The following HYDIN variants were observed in gnomAD, a reference collection of about 807,000 sequenced individuals.
HYDIN encodes the protein axonemal central pair apparatus protein HYDIN.
Under a neutral mutation model 403.9 loss-of-function variants are expected in HYDIN, and 132 were observed. That is an observed-to-expected ratio of 0.33 (90% CI 0.28 to 0.38). The LOEUF (loss-of-function observed/expected upper bound fraction) is 0.38. Ranked by LOEUF, HYDIN falls within the 10% of genes least tolerant of loss-of-function variation. The pLI, the probability that HYDIN is intolerant of heterozygous loss-of-function variation, is 1.00. For missense variants in HYDIN, 2,827 were observed against 5,009.5 expected, an observed-to-expected ratio of 0.56 and a Z score of 13.15; for synonymous variants, 1,202 against 1,891.7, an observed-to-expected ratio of 0.64 and a Z score of 9.46.
rs745892145 is a variant in HYDIN, at chr16:70,818,540, G to A, written c.14460C>T (p.Phe4820=). ...VIFRNEVTNE[F]LYYNVSFRVI... is the part of the protein sequence containing the mutation. ...CCCTGAAACTCACATTGTAGTACAAGAACTCATTTGTCACCTCGTTTCGGA... is the reference window on the plus strand; with the variant it reads ...CCCTGAAACTCACATTGTAGTACAAAAACTCATTTGTCACCTCGTTTCGGA... The change falls in exon 84 of 86, where the codon TTC becomes TTT. Residue 4820 remains phenylalanine (F), a synonymous_variant. Coordinates refer to ENST00000393567, the MANE Select transcript of HYDIN (RefSeq NM_001270974.2). 3.2e-6 allele frequency: 4 copies of A among 1,257,708 alleles called. No individual in the cohort carries two copies. In the South Asian group the frequency reaches 5.1e-5, roughly 16 times the overall value. The allele number at this position is 1,257,708 out of a possible 1,614,324, so 77.9% of individuals were successfully genotyped here. A position where few individuals can be genotyped will look rare whatever the true frequency, so the allele number is the denominator to read the frequency against.
intron 52 of HYDIN, among the ~76,000 whole-genome samples, chr16:70,902,821 A>ATTTTTTTTTTTTTTTTTTT (rs60618592): frequency 4.2e-5 from 2 of 47,308 alleles, no homozygotes; most frequent in East Asian, 5.5e-4. Flanking sequence ...ATATATATAT[A>ATTTTTTTTTTTTTTTTTTT]TTTTTTTTTT....
rs528625962 is a variant in HYDIN at position 71,211,621 on chromosome 16, G to A, written c.-24+18941C>T. Among the ~76,000 whole-genome samples the A allele has an allele frequency of 1.4e-3, 187 of 130,658 alleles. 1 individual carries two copies. The highest frequency in any genetic ancestry group is 1.9e-3 in the Non-Finnish European group (117 of 62,758). 85.7% of individuals were successfully genotyped at this position (130,658 alleles called of 152,430 possible). A position where few individuals can be genotyped will look rare whatever the true frequency, so the allele number is the denominator to read the frequency against. On this transcript the variant is annotated intron_variant, in intron 1 of 85. Coordinates refer to ENST00000393567, the MANE Select transcript of HYDIN (RefSeq NM_001270974.2). Reference sequence around the variant, plus strand: ...TGCGCCACTGCACTCCAGCCTGGGCGACAGAGTGAGACTCCATCTCAAAAA... The same window carrying A: ...TGCGCCACTGCACTCCAGCCTGGGCAACAGAGTGAGACTCCATCTCAAAAA...
intron 1 of HYDIN, among the ~76,000 whole-genome samples, chr16:71,222,278 T>G (rs1015262248): frequency 1.3e-5 from 2 of 151,962 alleles, no homozygotes; most frequent in African/African-American, 4.8e-5. Flanking sequence ...TTTGAAAAAA[T>G]CCAGCACCCC....
At chr16:70,951,224 G>C (rs542280603) in intron 41 of HYDIN, among the ~76,000 whole-genome samples, 1 of 150,758 alleles carries the variant, frequency 6.6e-6, no homozygotes, top group East Asian at 2.0e-4. Flanking sequence ...GACACAGTGA[G>C]ACCCTGACTC....
intron 23 of HYDIN, among the ~76,000 whole-genome samples, chr16:71,011,068 C>A (rs1476977760): frequency 6.6e-6 from 1 of 152,126 alleles, no homozygotes; most frequent in Non-Finnish European, 1.5e-5. Flanking sequence ...GTCTAAGGAC[C>A]CTAGAGCTCC....
intron 5 of HYDIN, among the ~76,000 whole-genome samples, chr16:71,172,067 T>C (rs1192872733): frequency 6.6e-6 from 1 of 152,240 alleles, no homozygotes; most frequent in Admixed American, 6.5e-5. Context: ...TAAATTCAAA[T>C]TGCTGGCAAT....
At chr16:71,139,095 G>GAAAAAAAAAAAAAAAAAAAAAAA (rs71758936) in intron 7 of HYDIN, among the ~76,000 whole-genome samples, 1 of 103,814 alleles carries the variant, frequency 9.6e-6, no homozygotes, top group Non-Finnish European at 1.8e-5. Flanking sequence ...AAATAAAGAA[G>GAAAAAAAAAAAAAAAAAAAAAAA]AAAAAAAAAA....
intron 13 of HYDIN, among the ~76,000 whole-genome samples, chr16:71,074,198 T>C (rs1249592880): frequency 6.6e-6 from 1 of 151,786 alleles, no homozygotes; most frequent in Non-Finnish European, 1.5e-5. Flanking sequence ...CCCCACATAA[T>C]ATGTCCATCA....
intron 44 of HYDIN, among the ~76,000 whole-genome samples, chr16:70,938,251 CA>C (rs1401665221): frequency 6.6e-6 from 1 of 152,230 alleles, no homozygotes; most frequent in Non-Finnish European, 1.5e-5. Context: ...AGCACCGAGG[CA>C]GTGAGCACAG....
At chr16:71,094,405 GA>G (rs2083210004) in intron 10 of HYDIN, among the ~76,000 whole-genome samples, 1 of 152,166 alleles carries the variant, frequency 6.6e-6, no homozygotes, top group Non-Finnish European at 1.5e-5. Context: ...AGGAATAGGT[GA>G]AAAAGGGCAA....
intron 1 of HYDIN, among the ~76,000 whole-genome samples, chr16:71,219,680 A>G (rs1327373100): frequency 6.6e-6 from 1 of 152,238 alleles, no homozygotes; most frequent in Non-Finnish European, 1.5e-5. Context: ...ATCCAAATAA[A>G]TTAAAAGATT....
chr16:70,958,224 C>A (rs1444064471), intron 39 of HYDIN, among the ~76,000 whole-genome samples: 1 of 151,928 alleles, frequency 6.6e-6, no homozygotes, highest in African/African-American at 2.4e-5. Flanking sequence ...TATGTTCTAA[C>A]TTCACCATAA....
chr16:71,225,683 A>C (rs2041004137), intron 1 of HYDIN, among the ~76,000 whole-genome samples: 2 of 152,206 alleles, frequency 1.3e-5, no homozygotes, highest in Non-Finnish European at 2.9e-5. Flanking sequence ...AGGTTCAGAA[A>C]GAAGGAGGAG....
intron 19 of HYDIN, among the ~76,000 whole-genome samples, chr16:71,028,335 C>T (rs1254982992): frequency 2.0e-5 from 3 of 152,022 alleles, no homozygotes; most frequent in Non-Finnish European, 2.9e-5. Flanking sequence ...TAAGCTTTAA[C>T]AGAGGCCAGG....
At chr16:71,061,488 TC>T (rs2082077731) in intron 17 of HYDIN, among the ~76,000 whole-genome samples, 1 of 152,272 alleles carries the variant, frequency 6.6e-6, no homozygotes, top group African/African-American at 2.4e-5. Context: ...CCTGTAGGAT[TC>T]GATGTTTATC....
At chr16:71,006,829 T>C (rs1295255344) in intron 23 of HYDIN, among the ~76,000 whole-genome samples, 2 of 152,138 alleles carry the variant, frequency 1.3e-5, no homozygotes, top group Admixed American at 6.5e-5. Flanking sequence ...CTGGGTAATA[T>C]TTGCAAGGCT....
At chr16:71,156,570 G>A (rs1294439373) in intron 6 of HYDIN, among the ~76,000 whole-genome samples, 3 of 152,164 alleles carry the variant, frequency 2.0e-5, no homozygotes, top group Admixed American at 2.0e-4. Context: ...ATTATGGAGG[G>A]AGTTTGGTTT....
intron 57 of HYDIN, among the ~76,000 whole-genome samples, chr16:70,890,593 A>C (rs2143715915): frequency 6.6e-6 from 1 of 152,250 alleles, no homozygotes; most frequent in Non-Finnish European, 1.5e-5. Flanking sequence ...CTTATTTAAA[A>C]GAATTAACTA....
At chr16:70,976,502 T>G (rs1160188992) in intron 30 of HYDIN, among the ~76,000 whole-genome samples, 1 of 151,122 alleles carries the variant, frequency 6.6e-6, no homozygotes, top group Non-Finnish European at 1.5e-5. Context: ...GTGATAAAAT[T>G]GCACAGAACT....
Sources: gnomAD v4.1 joint callset for allele counts (sites outside exome capture counted in the v4.1 genomes callset) on GRCh38, gnomAD v4.1.1 for gene constraint, MANE v1.5 for transcripts, NCBI Gene and HGNC (gene_info 2026-07-23, HGNC 2026-07-21) for gene names.